Variants in FAM13B observed in about 807,000 individuals in gnomAD.
The protein encoded by FAM13B is protein FAM13B.
In FAM13B, 60 loss-of-function variants were observed where a neutral mutation model predicts 117.3. The observed-to-expected ratio is 0.51, with a 90% CI of 0.42 to 0.63. The LOEUF (loss-of-function observed/expected upper bound fraction) is 0.63. Ranked by LOEUF, FAM13B falls within the 30% of genes least tolerant of loss-of-function variation. The probability of loss-of-function intolerance (pLI) is 0.00; values close to 1 mark genes in which losing one functional copy is unlikely to be tolerated. For synonymous variants in FAM13B, 332 were observed against 356.1 expected (o/e 0.93, Z 0.76); for missense variants, 972 against 1,091.9 (o/e 0.89, Z 1.55).
chr5:137,966,488 T>TAG (rs57142324), intron 10 of FAM13B, among the ~76,000 whole-genome samples: 788 of 29,438 alleles, frequency 0.027, 26 homozygotes, highest in Admixed American at 0.036. Context: ...TATATATATA[T>TAG]AGAGAGAGAG....
intron 7 of FAM13B, among the ~76,000 whole-genome samples, chr5:138,006,045 C>T (rs3926505): frequency 0.74 from 110,726 of 150,530 alleles, 41,307 homozygotes; most frequent in East Asian, 0.97. Context: ...ACTACAGGCG[C>T]GCGCCACCAT....
intron 17 of FAM13B, 66 bp from the exon 18 acceptor site, chr5:137,949,250 A>C: frequency 8.7e-7 from 1 of 1,146,120 alleles, no homozygotes; most frequent in Non-Finnish European, 1.3e-6. Flanking sequence ...TCAAAGAATA[A>C]GCAAAATACA....
At chr5:138,027,513 A>C (rs1409224208) in intron 1 of FAM13B, among the ~76,000 whole-genome samples, 1 of 152,216 alleles carries the variant, frequency 6.6e-6, no homozygotes, top group Admixed American at 6.5e-5. Flanking sequence ...CTGAAGCAAA[A>C]GGCACCTCTT....
chr5:138,026,706 G>A (rs996358798), intron 1 of FAM13B, among the ~76,000 whole-genome samples: 3 of 148,096 alleles, frequency 2.0e-5, no homozygotes, highest in African/African-American at 5.0e-5. Flanking sequence ...TTGGGAGGTC[G>A]AGACGGGTGG....
intron 1 of FAM13B, among the ~76,000 whole-genome samples, chr5:138,046,743 CT>C (rs758839927): frequency 1.7e-4 from 26 of 151,926 alleles, no homozygotes; most frequent in Admixed American, 1.7e-3. Flanking sequence ...TTCTTCTTTT[CT>C]TTTTTTCTTT....
chr5:137,954,039 C>T (rs960164564), intron 15 of FAM13B, 127 bp downstream of exon 15: 2 of 621,690 alleles, frequency 3.2e-6, no homozygotes, highest in East Asian at 2.8e-5. Context: ...CTCAATCTCT[C>T]TCTTTTTTTT....
intron 7 of FAM13B, among the ~76,000 whole-genome samples, chr5:137,989,918 C>T (rs1214907853): frequency 6.6e-6 from 1 of 152,008 alleles, no homozygotes; most frequent in African/African-American, 2.4e-5. Flanking sequence ...AAACATGGTA[C>T]AAAGAAGAGT....
At chr5:137,987,725 T>C in intron 8 of FAM13B, 109 bp from the exon 9 acceptor site, 1 of 968,442 alleles carries the variant, frequency 1.0e-6, no homozygotes. Flanking sequence ...GGTACTTAAA[T>C]GGGTAAACCA....
chr5:137,956,329 A>T (rs1766544882), intron 14 of FAM13B, 148 bp downstream of exon 14: 1 of 426,804 alleles, frequency 2.3e-6, no homozygotes, highest in Admixed American at 4.1e-5. Context: ...AAGAAAAGAC[A>T]AAAGTAATAG....
At chr5:137,986,014 G>T (rs1368160700) in intron 9 of FAM13B, among the ~76,000 whole-genome samples, 1 of 151,896 alleles carries the variant, frequency 6.6e-6, no homozygotes, top group East Asian at 1.9e-4. Flanking sequence ...CTAACACTTA[G>T]ATACTGATTT....
intron 23 of FAM13B, 56 bp downstream of exon 23, chr5:137,941,887 TG>T: frequency 7.4e-7 from 1 of 1,350,050 alleles, no homozygotes; most frequent in Non-Finnish European, 1.1e-6. Flanking sequence ...TTTCAACATA[TG>T]GTCAGTTTGT....
intron 18 of FAM13B, among the ~76,000 whole-genome samples, chr5:137,947,594 T>A (rs1292701791): frequency 6.6e-6 from 1 of 152,092 alleles, no homozygotes; most frequent in Non-Finnish European, 1.5e-5. Flanking sequence ...TTTCTTTTTT[T>A]TTTTTGAGAC....
rs766089234 is a variant in FAM13B at position 137,943,232 on chromosome 5, A to T, written c.2341-16T>A. On this transcript the variant is annotated splice_polypyrimidine_tract_variant and intron_variant, in intron 20 of 23. Coordinates refer to ENST00000689681, the MANE Select transcript of FAM13B (RefSeq NM_001385994.1). ...ATGGAGATCCCTATAACAATCAATA[A>T]TATAAATAGTTTTACATTTTAAGTA... is the stretch of plus-strand genomic sequence containing the variant. The T allele has an allele frequency of 6.3e-7, 1 of 1,595,560 alleles. No individual in the cohort carries two copies. Among genetic ancestry groups the T allele is most frequent in the Non-Finnish European group, 8.6e-7 (1 of 1,165,468 alleles).
chr5:138,043,169 G>A (rs1581331469), intron 1 of FAM13B, among the ~76,000 whole-genome samples: 1 of 152,088 alleles, frequency 6.6e-6, no homozygotes, highest in African/African-American at 2.4e-5. Context: ...TTGGAGACCA[G>A]CCTGAGCACC....
Position 137,944,277 on chromosome 5 carries a change from G to A in FAM13B, c.2341-1061C>T, listed in dbSNP as rs142267401. 8.6e-5 allele frequency among the ~76,000 whole-genome samples: 13 copies of A among 152,000 alleles called. No homozygotes were observed. In the East Asian group the frequency reaches 2.1e-3, roughly 25 times the overall value. ...TTTACTCATTCATCTGCTGACATTCGACTCAGCAATCCCATCACTAGGTAT... is the reference window on the plus strand; with the variant it reads ...TTTACTCATTCATCTGCTGACATTCAACTCAGCAATCCCATCACTAGGTAT... On this transcript the variant is annotated intron_variant, in intron 20 of 23. Coordinates refer to ENST00000689681, the MANE Select transcript of FAM13B (RefSeq NM_001385994.1).
chr5:138,048,198 G>T (rs1397947865), intron 1 of FAM13B, among the ~76,000 whole-genome samples: 2 of 152,194 alleles, frequency 1.3e-5, no homozygotes, highest in African/African-American at 4.8e-5. Flanking sequence ...AAATCTGTGT[G>T]TTTGAGCCAC....
chr5:138,051,957 A>T (rs1233428232), exon 1 of FAM13B: 1 of 152,068 alleles, frequency 6.6e-6, no homozygotes, highest in East Asian at 1.9e-4. Context: ...TCCCGTCCAG[A>T]AAACAAGGTT....
intron 1 of FAM13B, among the ~76,000 whole-genome samples, chr5:138,047,490 G>A (rs1791677253): frequency 8.8e-6 from 1 of 114,250 alleles, no homozygotes; most frequent in Non-Finnish European, 1.9e-5. Context: ...TGGTGACAGA[G>A]CAAGACTCCA....
chr5:137,954,182 C>A lies in FAM13B; in HGVS notation c.1702G>T (p.Ala568Ser). Residue 568 changes from alanine (A) to serine (S), a missense_variant, in exon 15 of 24, where the codon GCA (alanine) becomes TCA (serine). Ala to Ser is a moderately conservative substitution (Grantham distance 99). Coordinates refer to ENST00000689681, the MANE Select transcript of FAM13B (RefSeq NM_001385994.1). ...ATCATATACCTAGTAAAAGACAGTG[C>A]TTTAGATGAGGAATCCAACTTTTCT... The part of the protein sequence containing the change: ...DPEKLDSSSK[A>S]LSFTRIRRSS... The A allele has an allele frequency of 1.2e-6, 2 of 1,613,578 alleles. No homozygotes were observed. The highest frequency in any genetic ancestry group is 1.7e-6 in the Non-Finnish European group (2 of 1,179,804).
Sources: gnomAD v4.1 joint callset for allele counts (sites outside exome capture counted in the v4.1 genomes callset) on GRCh38, gnomAD v4.1.1 for gene constraint, MANE v1.5 for transcripts, NCBI Gene and HGNC (gene_info 2026-07-23, HGNC 2026-07-21) for gene names.